CEP128: variants seen among roughly 807,000 people sequenced by gnomAD.
CEP128 encodes the protein centrosomal protein 128kDa.
In CEP128, 132 loss-of-function variants were observed where a neutral mutation model predicts 156.7. The observed-to-expected ratio is 0.84, with a 90% CI of 0.73 to 0.97. CEP128 has a LOEUF of 0.97. Ranked by LOEUF, CEP128 falls within the 50% of genes least tolerant of loss-of-function variation. CEP128 has a pLI of 0.00. For synonymous variants in CEP128, 469 were observed against 448.9 expected (o/e 1.04, Z -0.57); for missense variants, 1,252 against 1,281.9 (o/e 0.98, Z 0.36).
At chr14:80,766,654 TA>T (rs926631209) in intron 16 of CEP128, among the ~76,000 whole-genome samples, 1 of 152,144 alleles carries the variant, frequency 6.6e-6, no homozygotes, top group African/African-American at 2.4e-5. Context: ...TCAAACACCT[TA>T]AACAGAAATA....
At chr14:80,631,827 C>T (rs1595120403) in intron 19 of CEP128, among the ~76,000 whole-genome samples, 1 of 151,992 alleles carries the variant, frequency 6.6e-6, no homozygotes, top group East Asian at 1.9e-4. Flanking sequence ...ATTCCAGGGA[C>T]CTCACCATAT....
At chr14:80,862,115 A>C (rs1293251824) in intron 9 of CEP128, among the ~76,000 whole-genome samples, 2 of 152,216 alleles carry the variant, frequency 1.3e-5, no homozygotes, top group Non-Finnish European at 2.9e-5. Flanking sequence ...TCTCCATTTT[A>C]AATTGGTTTG....
At chr14:80,904,198 T>C (rs1478894103) in intron 6 of CEP128, among the ~76,000 whole-genome samples, 4 of 152,114 alleles carry the variant, frequency 2.6e-5, no homozygotes, top group African/African-American at 4.8e-5. Flanking sequence ...AAAACATGGA[T>C]GAATCTGAAG....
At chr14:80,602,727 G>A (rs61419086) in intron 19 of CEP128, among the ~76,000 whole-genome samples, 2 of 152,018 alleles carry the variant, frequency 1.3e-5, no homozygotes, top group African/African-American at 4.8e-5. Flanking sequence ...AGCCGAGATC[G>A]CGCCACTGCA....
At chr14:80,651,903 G>T (rs995723329) in intron 19 of CEP128, among the ~76,000 whole-genome samples, 2 of 152,046 alleles carry the variant, frequency 1.3e-5, no homozygotes, top group Non-Finnish European at 2.9e-5. Context: ...ACTGATTTGG[G>T]GTGGAGAGTT....
intron 8 of CEP128, among the ~76,000 whole-genome samples, chr14:80,882,572 T>C (rs1056464887): frequency 1.1e-4 from 17 of 152,174 alleles, no homozygotes; most frequent in African/African-American, 4.1e-4. Flanking sequence ...CTGCTAGGTA[T>C]AAACCCAAAA....
chr14:80,552,531 A>G (rs1279221505), intron 21 of CEP128, among the ~76,000 whole-genome samples: 1 of 152,144 alleles, frequency 6.6e-6, no homozygotes, highest in Non-Finnish European at 1.5e-5. Flanking sequence ...TTCTACTAAC[A>G]TGTTTCAATT....
chr14:80,540,214 A>G, intron 21 of CEP128, among the ~76,000 whole-genome samples: 1 of 129,974 alleles, frequency 7.7e-6, no homozygotes, highest in South Asian at 3.1e-4. Context: ...CCCCTTTTGA[A>G]ACCCTTAATA....
intron 13 of CEP128, among the ~76,000 whole-genome samples, chr14:80,812,859 G>A (rs921117851): frequency 9.9e-5 from 15 of 152,156 alleles, no homozygotes; most frequent in Admixed American, 3.9e-4. Flanking sequence ...CACCGCGCCC[G>A]GCCTGTTTTT....
intron 19 of CEP128, among the ~76,000 whole-genome samples, chr14:80,699,050 T>C (rs1896982017): frequency 6.6e-6 from 1 of 152,150 alleles, no homozygotes; most frequent in Non-Finnish European, 1.5e-5. Context: ...AGAGAAATAA[T>C]GTCAGAGCTC....
intron 2 of CEP128, among the ~76,000 whole-genome samples, chr14:80,949,207 G>C (rs1034787837): frequency 8.5e-5 from 13 of 152,134 alleles, no homozygotes; most frequent in African/African-American, 2.9e-4. Flanking sequence ...CAAGCCTTAT[G>C]ATTGCCACAA....
chr14:80,546,904 C>A (rs1318137006), intron 21 of CEP128, among the ~76,000 whole-genome samples: 1 of 152,134 alleles, frequency 6.6e-6, no homozygotes, highest in Non-Finnish European at 1.5e-5. Context: ...AGGATGAAAT[C>A]ATATATTAGT....
intron 2 of CEP128, among the ~76,000 whole-genome samples, chr14:80,949,969 T>C (rs74064761): frequency 0.08 from 12,250 of 152,236 alleles, 1,664 homozygotes; most frequent in African/African-American, 0.28. Flanking sequence ...CTTGAAATTC[T>C]AATGCCCAGT....
rs534260061 is a variant in CEP128 at position 80,612,835 on chromosome 14, T to TTTTTTG, written c.2807-32418_2807-32413dup. ...AAAGATCTCAGAAACCAGAAAGTGT[T>TTTTTTG]TTTTTGTTTTTGTTTTTGTTTTTGT... On this transcript the variant is annotated intron_variant, in intron 19 of 24. Coordinates refer to ENST00000555265, the MANE Select transcript of CEP128 (RefSeq NM_152446.5). 3.9e-5 allele frequency among the ~76,000 whole-genome samples: 6 copies of TTTTTTG among 152,010 alleles called. No individual in the cohort carries two copies. In the East Asian group the frequency reaches 5.8e-4, roughly 15 times the overall value.
intron 19 of CEP128, among the ~76,000 whole-genome samples, chr14:80,686,304 A>C (rs910246364): frequency 5.9e-5 from 9 of 152,082 alleles, no homozygotes; most frequent in Admixed American, 2.0e-4. Context: ...AGTAATTTCC[A>C]ATCCAAAATT....
At chr14:80,633,964 C>T (rs973302723) in intron 19 of CEP128, among the ~76,000 whole-genome samples, 9 of 152,114 alleles carry the variant, frequency 5.9e-5, no homozygotes, top group African/African-American at 1.9e-4. Context: ...GGTATTCATG[C>T]CTAAGGTAGG....
intron 19 of CEP128, among the ~76,000 whole-genome samples, chr14:80,733,544 T>A (rs1162546899): frequency 6.6e-6 from 1 of 152,014 alleles, no homozygotes; most frequent in Non-Finnish European, 1.5e-5. Context: ...GACAAGGAAA[T>A]GGGAGAATGT....
At chr14:80,858,531 A>C (rs1178472297) in intron 9 of CEP128, among the ~76,000 whole-genome samples, 50 of 120,256 alleles carry the variant, frequency 4.2e-4, no homozygotes, top group Middle Eastern at 7.9e-3. Context: ...GCAACAAAAG[A>C]CAAAATTGAC....
chr14:80,686,140 C>T (rs1234159188), intron 19 of CEP128, among the ~76,000 whole-genome samples: 1 of 151,974 alleles, frequency 6.6e-6, no homozygotes, highest in Non-Finnish European at 1.5e-5. Context: ...CAGCAAAAAG[C>T]TATCAACAGA....
Sources: allele counts gnomAD v4.1 joint callset (sites outside exome capture counted in the v4.1 genomes callset), GRCh38; gene constraint gnomAD v4.1.1; transcripts MANE v1.5; gene names NCBI Gene and HGNC (gene_info 2026-07-23, HGNC 2026-07-21).